Variants in HS6ST2 observed in about 807,000 individuals in gnomAD.
HS6ST2 encodes the protein heparan-sulfate 6-O-sulfotransferase 2.
In HS6ST2, 17 loss-of-function variants were observed where a neutral mutation model predicts 33.0. That is an observed-to-expected ratio of 0.52 (90% confidence interval 0.35 to 0.77). HS6ST2 has a LOEUF of 0.77. Among genes scored for constraint, HS6ST2 ranks in the 30% least tolerant of loss-of-function variants. The pLI is 0.01. For synonymous variants in HS6ST2, 248 were observed against 237.1 expected (o/e 1.05, Z -0.42); for missense variants, 519 against 551.7 (o/e 0.94, Z 0.59).
chrX:132,941,906 T>C (rs1156352482), intron 2 of HS6ST2, among the ~76,000 whole-genome samples: 6 of 112,160 alleles, frequency 5.3e-5, no homozygotes, highest in Non-Finnish European at 1.1e-4. Flanking sequence ...TGTTCAACAA[T>C]GTAATTTTTA....
At chrX:132,813,349 C>T (rs760839518) in intron 2 of HS6ST2, among the ~76,000 whole-genome samples, 2 of 111,364 alleles carry the variant, frequency 1.8e-5, no homozygotes, top group Non-Finnish European at 3.8e-5. Flanking sequence ...TACTCTTGGT[C>T]CTCTTGCTAC....
intron 2 of HS6ST2, among the ~76,000 whole-genome samples, chrX:132,803,511 C>T (rs983170196): frequency 3.6e-5 from 4 of 111,759 alleles, no homozygotes; most frequent in African/African-American, 9.8e-5. Context: ...CTGGTTCAAG[C>T]GATTCTCGTG....
Position 132,709,199 on chromosome X carries a change from G to A in HS6ST2, c.948-705C>T, listed in dbSNP as rs138577913. ...TGAATTACTGATATTATTAGCAGGC[G>A]GAGACTGTGAAGTTATACACAGGTC... On this transcript the variant is annotated intron_variant, in intron 2 of 4. Coordinates refer to ENST00000370833, the MANE Select transcript of HS6ST2 (RefSeq NM_001394073.1). 1.8e-3 allele frequency among the ~76,000 whole-genome samples: 206 copies of A among 112,154 alleles called. 1 individual carries two copies. The highest frequency in any genetic ancestry group is 6.4e-3 in the African/African-American group (198 of 30,924).
intron 2 of HS6ST2, among the ~76,000 whole-genome samples, chrX:132,741,483 T>C (rs1289507625): frequency 7.3e-5 from 8 of 109,849 alleles, no homozygotes; most frequent in Non-Finnish European, 9.5e-5. Flanking sequence ...GATTTCACCA[T>C]GTTGGTCAGG....
chrX:132,633,876 G>A (rs2063536006), intron 4 of HS6ST2, among the ~76,000 whole-genome samples: 1 of 111,587 alleles, frequency 9.0e-6, no homozygotes, highest in South Asian at 3.8e-4. Context: ...TGCTAAGCAC[G>A]ATCTGACAAG....
intron 2 of HS6ST2, among the ~76,000 whole-genome samples, chrX:132,761,371 A>C: frequency 9.0e-6 from 1 of 111,183 alleles, no homozygotes; most frequent in East Asian, 2.8e-4. Flanking sequence ...CTGCTGTGGG[A>C]GGGGAGAGAC....
intron 3 of HS6ST2, among the ~76,000 whole-genome samples, chrX:132,698,803 T>G (rs949569888): frequency 9.0e-6 from 1 of 111,702 alleles, no homozygotes; most frequent in African/African-American, 3.2e-5. Context: ...TTTTGTTGAC[T>G]TGCTTCCTCC....
chrX:132,764,083 C>A (rs1364403203), intron 2 of HS6ST2, among the ~76,000 whole-genome samples: 1 of 112,337 alleles, frequency 8.9e-6, no homozygotes, highest in Admixed American at 9.4e-5. Context: ...ACCTGACTCA[C>A]TGGACTGCCA....
chrX:132,883,452 T>C (rs1478222293), intron 2 of HS6ST2, among the ~76,000 whole-genome samples: 4 of 111,304 alleles, frequency 3.6e-5, no homozygotes, highest in Non-Finnish European at 5.6e-5. Flanking sequence ...TAGTTTGTAT[T>C]TCTGTGGAAT....
chrX:132,651,052 C>T (rs2063688685), intron 4 of HS6ST2, among the ~76,000 whole-genome samples: 1 of 111,773 alleles, frequency 8.9e-6, no homozygotes, highest in African/African-American at 3.3e-5. Context: ...CAGGCGTGAG[C>T]CACCATGCCC....
At chrX:132,711,297 G>A (rs772755823) in intron 2 of HS6ST2, among the ~76,000 whole-genome samples, 5 of 111,441 alleles carry the variant, frequency 4.5e-5, no homozygotes, top group Admixed American at 9.5e-5. Context: ...TACATTCTCA[G>A]GGTGGGTGCT....
chrX:132,875,696 A>G (rs1046313343), intron 2 of HS6ST2, among the ~76,000 whole-genome samples: 3 of 112,301 alleles, frequency 2.7e-5, no homozygotes, highest in Non-Finnish European at 5.6e-5. Context: ...CATTTTCCTT[A>G]GCTGATAGAA....
At chrX:132,714,161 G>A (rs2064254336) in intron 2 of HS6ST2, among the ~76,000 whole-genome samples, 1 of 111,287 alleles carries the variant, frequency 9.0e-6, no homozygotes, top group Admixed American at 9.5e-5. Flanking sequence ...AAGAGGCCTG[G>A]AATAGAAATA....
At chrX:132,814,196 G>A (rs994703323) in intron 2 of HS6ST2, among the ~76,000 whole-genome samples, 3 of 111,691 alleles carry the variant, frequency 2.7e-5, no homozygotes, top group Non-Finnish European at 5.6e-5. Flanking sequence ...CACCCGCCTC[G>A]GCCTCCCAAA....
rs991023566 is a variant in HS6ST2 at position 132,795,140 on chromosome X, A to G, written c.948-86646T>C. On this transcript the variant is annotated intron_variant, in intron 2 of 4. Transcript: ENST00000370833. ...ACTACTCCTTCCTTCCACTTCACTGAGACTGAGAGGGAAGGGGATGGTGCT... is the reference window on the plus strand; with the variant it reads ...ACTACTCCTTCCTTCCACTTCACTGGGACTGAGAGGGAAGGGGATGGTGCT... 4.5e-5 allele frequency among the ~76,000 whole-genome samples: 5 copies of G among 111,428 alleles called. No homozygotes were observed. In the South Asian group the frequency reaches 1.9e-3, roughly 42 times the overall value.
intron 3 of HS6ST2, 136 bp downstream of exon 3, chrX:132,708,326 A>G: frequency 3.8e-6 from 1 of 265,524 alleles, no homozygotes; most frequent in Non-Finnish European, 6.3e-6. Context: ...AAAAAAAAAA[A>G]AAGCCCTGGA....
At chrX:132,683,669 G>T in intron 3 of HS6ST2, among the ~76,000 whole-genome samples, 1 of 111,279 alleles carries the variant, frequency 9.0e-6, no homozygotes, top group Non-Finnish European at 1.9e-5. Context: ...ATATTTGGGG[G>T]CATACAGAAA....
chrX:132,727,525 GC>G (rs1456657475), intron 2 of HS6ST2, among the ~76,000 whole-genome samples: 2 of 111,215 alleles, frequency 1.8e-5, no homozygotes, highest in Admixed American at 9.5e-5. Flanking sequence ...AGAGTTCACG[GC>G]CCAGGCTTGG....
intron 2 of HS6ST2, among the ~76,000 whole-genome samples, chrX:132,713,188 A>C (rs2064245688): frequency 9.0e-6 from 1 of 111,469 alleles, no homozygotes; most frequent in African/African-American, 3.3e-5. Context: ...AGCAAACGAC[A>C]TGGGTAGGTA....
Sources: allele counts gnomAD v4.1 joint callset (sites outside exome capture counted in the v4.1 genomes callset), GRCh38; gene constraint gnomAD v4.1.1; transcripts MANE v1.5; gene names NCBI Gene and HGNC (gene_info 2026-07-23, HGNC 2026-07-21).